EXT1: variants seen among roughly 807,000 people sequenced by gnomAD.
EXT1 encodes exostosin-1.
A neutral mutation model predicts 82.5 loss-of-function variants in EXT1; 20 were observed. The ratio of observed to expected loss-of-function variants is 0.24; its 90% CI spans 0.17 to 0.35. The LOEUF (loss-of-function observed/expected upper bound fraction) is 0.35, where lower values mean the gene tolerates loss of function less well. Ranked by LOEUF, EXT1 falls within the 10% of genes least tolerant of loss-of-function variation. The probability of loss-of-function intolerance (pLI) is 1.00; values close to 1 mark genes in which losing one functional copy is unlikely to be tolerated. For synonymous variants in EXT1, 348 were observed against 350.8 expected (o/e 0.99, Z 0.09); for missense variants, 757 against 936.5 (o/e 0.81, Z 2.50).
chr8:118,100,545 C>T (rs1425220012), intron 1 of EXT1, among the ~76,000 whole-genome samples: 1 of 151,980 alleles, frequency 6.6e-6, no homozygotes, highest in African/African-American at 2.4e-5. Flanking sequence ...GTCAGGAGAT[C>T]GAGACCATCC....
In EXT1 at chr8:117,954,658, G is replaced by A. The variant is rs557465596; in HGVS notation, c.963-117457C>T. 4.1e-4 allele frequency among the ~76,000 whole-genome samples: 62 copies of A among 152,108 alleles called. 1 individual carries two copies. The highest frequency in any genetic ancestry group is 1.2e-3 in the African/African-American group (50 of 41,484). ...AGGATATAATTCAAAACCCCATTAC[G>A]GTTCTGCAAACACTCTGCATCTGTG... On this transcript the variant is annotated intron_variant, in intron 1 of 10. Coordinates refer to ENST00000378204, the MANE Select transcript of EXT1 (RefSeq NM_000127.3).
intron 1 of EXT1, among the ~76,000 whole-genome samples, chr8:117,942,584 G>A (rs895813270): frequency 2.8e-4 from 43 of 152,070 alleles, no homozygotes; most frequent in African/African-American, 4.8e-4. Context: ...GGTGGTGCAC[G>A]CCTGTAATCC....
At chr8:117,914,948 T>C (rs1813719267) in intron 1 of EXT1, among the ~76,000 whole-genome samples, 1 of 152,176 alleles carries the variant, frequency 6.6e-6, no homozygotes, top group Non-Finnish European at 1.5e-5. Flanking sequence ...GTAGTTCTGC[T>C]TTTTGCCCTT....
intron 1 of EXT1, among the ~76,000 whole-genome samples, chr8:117,992,583 A>G (rs973890202): frequency 6.6e-6 from 1 of 152,068 alleles, no homozygotes; most frequent in African/African-American, 2.4e-5. Context: ...TCCAGGCCTC[A>G]TACATTAGCC....
intron 1 of EXT1, among the ~76,000 whole-genome samples, chr8:117,955,757 A>G (rs1267916065): frequency 6.6e-6 from 1 of 152,136 alleles, no homozygotes; most frequent in African/African-American, 2.4e-5. Flanking sequence ...GGTTTTCACC[A>G]TGTTGGCCAG....
chr8:117,945,247 C>T (rs1483979599), intron 1 of EXT1, among the ~76,000 whole-genome samples: 2 of 152,224 alleles, frequency 1.3e-5, no homozygotes, highest in African/African-American at 2.4e-5. Context: ...AAGTTAAGAA[C>T]ATCACACAGC....
chr8:117,858,949 T>TG (rs1812635017), intron 1 of EXT1, among the ~76,000 whole-genome samples: 4 of 151,910 alleles, frequency 2.6e-5, no homozygotes, highest in Non-Finnish European at 5.9e-5. Context: ...AACCACCACT[T>TG]GATCAGCCAG....
At chr8:117,997,477 C>T (rs551120854) in intron 1 of EXT1, among the ~76,000 whole-genome samples, 1 of 151,758 alleles carries the variant, frequency 6.6e-6, no homozygotes, top group Admixed American at 6.6e-5. Context: ...GTACAATAAA[C>T]CCCCAAAATC....
At chr8:117,873,566 G>T (rs950566564) in intron 1 of EXT1, among the ~76,000 whole-genome samples, 1 of 143,408 alleles carries the variant, frequency 7.0e-6, no homozygotes, top group African/African-American at 2.6e-5. Flanking sequence ...AGTGATTCTT[G>T]TGCCTCAGCC....
At chr8:117,858,471 A>G (rs1227449047) in intron 1 of EXT1, among the ~76,000 whole-genome samples, 1 of 152,108 alleles carries the variant, frequency 6.6e-6, no homozygotes, top group Non-Finnish European at 1.5e-5. Flanking sequence ...CAGGAGTTCA[A>G]GATCAGCCTG....
chr8:117,951,122 T>C (rs1465314443), intron 1 of EXT1, among the ~76,000 whole-genome samples: 1 of 152,224 alleles, frequency 6.6e-6, no homozygotes, highest in Non-Finnish European at 1.5e-5. Flanking sequence ...TCAATCCCTC[T>C]GTAAAAGGAG....
intron 1 of EXT1, among the ~76,000 whole-genome samples, chr8:117,919,310 A>G (rs1316374886): frequency 1.4e-5 from 2 of 146,546 alleles, no homozygotes; most frequent in African/African-American, 5.1e-5. Flanking sequence ...CTCAGCCTCC[A>G]GAACAGCTGG....
At chr8:117,894,651 G>T (rs1813304679) in intron 1 of EXT1, among the ~76,000 whole-genome samples, 1 of 152,110 alleles carries the variant, frequency 6.6e-6, no homozygotes, top group African/African-American at 2.4e-5. Context: ...AAGTGACTAT[G>T]AATTAGTTAT....
chr8:118,007,190 G>A (rs1277512330), intron 1 of EXT1, among the ~76,000 whole-genome samples: 5 of 151,976 alleles, frequency 3.3e-5, no homozygotes, highest in Non-Finnish European at 5.9e-5. Flanking sequence ...CCAGCTACTC[G>A]GGAGGCTGAG....
chr8:117,880,520 G>A (rs1048266551), intron 1 of EXT1, among the ~76,000 whole-genome samples: 3 of 151,778 alleles, frequency 2.0e-5, no homozygotes, highest in South Asian at 2.1e-4. Context: ...CTAGAAAAAC[G>A]TATTCCATAA....
At chr8:117,846,702 C>T (rs567341130) in intron 1 of EXT1, among the ~76,000 whole-genome samples, 1 of 152,108 alleles carries the variant, frequency 6.6e-6, no homozygotes, top group Non-Finnish European at 1.5e-5. Context: ...CATTAACTAC[C>T]TTTCGCCAGG....
intron 1 of EXT1, among the ~76,000 whole-genome samples, chr8:117,843,321 C>G (rs1203058515): frequency 6.6e-6 from 1 of 152,132 alleles, no homozygotes; most frequent in Non-Finnish European, 1.5e-5. Context: ...GATGATTAGT[C>G]AGCGAGAGGA....
At chr8:118,009,077 T>G (rs1457894365) in intron 1 of EXT1, among the ~76,000 whole-genome samples, 2 of 152,114 alleles carry the variant, frequency 1.3e-5, no homozygotes, top group African/African-American at 2.4e-5. Context: ...GAAACCAACA[T>G]GGGAAATGAA....
chr8:117,899,751 T>C (rs572530979), intron 1 of EXT1, among the ~76,000 whole-genome samples: 1 of 152,328 alleles, frequency 6.6e-6, no homozygotes, highest in East Asian at 1.9e-4. Context: ...AAAATAAAGC[T>C]TATCAGTTGT....
Sources: allele counts gnomAD v4.1 joint callset (sites outside exome capture counted in the v4.1 genomes callset), GRCh38; gene constraint gnomAD v4.1.1; transcripts MANE v1.5; gene names NCBI Gene and HGNC (gene_info 2026-07-23, HGNC 2026-07-21).